Variants in COPS3 observed in about 807,000 individuals in gnomAD.
The protein encoded by COPS3 is COP9 signalosome subunit 3, also known as COP9 signalosome complex subunit 3.
In COPS3, 10 loss-of-function variants were observed where a neutral mutation model predicts 58.2. The ratio of observed to expected loss-of-function variants is 0.17; its 90% CI spans 0.11 to 0.29. COPS3 has a LOEUF of 0.29. Ranked by LOEUF, COPS3 falls within the 10% of genes least tolerant of loss-of-function variation. The pLI is 1.00. For missense variants in COPS3, 333 were observed against 510.1 expected (o/e 0.65, Z 3.34); for synonymous variants, 187 against 181.7 (o/e 1.03, Z -0.24).
intron 1 of COPS3, 133 bp from the exon 2 acceptor site, chr17:17,276,297 G>T: frequency 8.7e-7 from 1 of 1,152,914 alleles, no homozygotes; most frequent in Non-Finnish European, 1.2e-6. Flanking sequence ...CTTCGGATGA[G>T]GATCCAGAAG....
intron 9 of COPS3, among the ~76,000 whole-genome samples, chr17:17,251,497 C>G (rs1325962236): frequency 6.6e-6 from 1 of 151,504 alleles, no homozygotes; most frequent in East Asian, 2.0e-4. Context: ...GGGGTTTCAC[C>G]ATGTTGGCCA....
intron 1 of COPS3, among the ~76,000 whole-genome samples, chr17:17,276,987 T>A (rs891898415): frequency 2.0e-5 from 3 of 152,180 alleles, no homozygotes; most frequent in Non-Finnish European, 4.4e-5. Flanking sequence ...GGCCCTTCAA[T>A]AACTGGTCCC....
At chr17:17,255,142 A>G in intron 8 of COPS3, 197 bp from the exon 9 acceptor site, 1 of 430,262 alleles carries the variant, frequency 2.3e-6, no homozygotes, top group Admixed American at 3.9e-5. Flanking sequence ...TCTACTAAAA[A>G]TACAGAAAAT....
chr17:17,248,794 C>T (rs1290791971), intron 10 of COPS3, 132 bp downstream of exon 10: 1 of 595,324 alleles, frequency 1.7e-6, no homozygotes, highest in Non-Finnish European at 2.9e-6. Flanking sequence ...AACTAACTTT[C>T]TAGTAACTAA....
rs2048064801 is a variant in COPS3, at chr17:17,260,335, G to A, written c.902C>T (p.Ser301Phe). Residue 301 changes from serine (S) to phenylalanine (F), a missense_variant, in exon 8 of 12, where the codon TCT (serine) becomes TTT (phenylalanine). Coordinates refer to ENST00000268717, the MANE Select transcript of COPS3 (RefSeq NM_003653.4). ...NMGLVKQCLS[S>F]LYKKNIQRLT... ...CCTCTGAATATTCTTCTTATAAAGAGATGACAAGCATTGCTTCACCAGCCC... is the reference window on the plus strand; with the variant it reads ...CCTCTGAATATTCTTCTTATAAAGAAATGACAAGCATTGCTTCACCAGCCC... 1.2e-6 allele frequency: 2 copies of A among 1,614,132 alleles called. No individual in the cohort carries two copies. The highest frequency in any genetic ancestry group is 8.5e-7 in the Non-Finnish European group (1 of 1,180,004).
chr17:17,276,063 C>T lies in COPS3; in HGVS notation c.157G>A (p.Glu53Lys). 1 of 1,614,102 alleles carries T rather than the reference C, an allele frequency of 6.2e-7. No homozygotes were observed. The change falls in exon 2 of 12, where the codon GAA becomes AAA. Residue 53 changes from glutamate to lysine, a missense_variant. Glu to Lys is a moderately conservative substitution (Grantham distance 56). Coordinates refer to ENST00000268717, the MANE Select transcript of COPS3 (RefSeq NM_003653.4). ...ACAGCAAGGACGCCCAAGGAGTGTT[C>T]TTGTACATCCAGAGCCCCGAGCACA... Reference protein sequence around the residue: ...DTVLGALDVQEHSLGVLAVLF... With the variant: ...DTVLGALDVQKHSLGVLAVLF...
At chr17:17,267,689 G>C in intron 5 of COPS3, among the ~76,000 whole-genome samples, 196 bp downstream of exon 5, 1 of 150,566 alleles carries the variant, frequency 6.6e-6, no homozygotes. Context: ...TGTTCGACAA[G>C]CTTACTAGTT....
intron 2 of COPS3, 56 bp downstream of exon 2, chr17:17,275,979 A>G: frequency 1.4e-6 from 2 of 1,438,008 alleles, no homozygotes; most frequent in Non-Finnish European, 1.9e-6. Context: ...AAAGCCAGGA[A>G]GTGCACAGTG....
intron 8 of COPS3, among the ~76,000 whole-genome samples, chr17:17,257,806 A>AAAAAG (rs2048011080): frequency 4.1e-5 from 6 of 147,910 alleles, no homozygotes; most frequent in Admixed American, 6.9e-5. Flanking sequence ...CAAAAAAAAA[A>AAAAAG]AAAAAGAAAA....
At chr17:17,257,607 C>T (rs2048004533) in intron 8 of COPS3, among the ~76,000 whole-genome samples, 1 of 151,176 alleles carries the variant, frequency 6.6e-6, no homozygotes, top group South Asian at 2.1e-4. Flanking sequence ...ACCATCCTAG[C>T]TAACACGGTG....
chr17:17,279,404 A>G (rs1040132716), intron 1 of COPS3, among the ~76,000 whole-genome samples: 2 of 152,202 alleles, frequency 1.3e-5, no homozygotes, highest in African/African-American at 2.4e-5. Flanking sequence ...TAACTACACT[A>G]CACCCCAGGA....
At chr17:17,276,258 T>G in intron 1 of COPS3, 94 bp from the exon 2 acceptor site, 1 of 1,509,576 alleles carries the variant, frequency 6.6e-7, no homozygotes, top group Non-Finnish European at 9.1e-7. Context: ...GAGCCTGAAG[T>G]TCCCAAAATT....
intron 1 of COPS3, chr17:17,280,568 T>A (rs1597712340): frequency 1.6e-6 from 2 of 1,267,516 alleles, no homozygotes; most frequent in South Asian, 1.3e-5. Context: ...AGAAATGGAG[T>A]CCTACGAGCG....
rs2047738700 is a variant in COPS3 at position 17,247,033 on chromosome 17, C to T, written c.*65G>A. ...CACAGGCTTGGTCCTCTCTGCTGCC[C>T]TCCGAACACTTGTCACTGGCCAAGA... On this transcript the variant is annotated 3_prime_UTR_variant, in exon 12 of 12. Coordinates refer to ENST00000268717, the MANE Select transcript of COPS3 (RefSeq NM_003653.4). 6.9e-7 allele frequency: 1 copy of T among 1,445,504 alleles called. No homozygotes were observed. Among genetic ancestry groups the T allele is most frequent in the South Asian group, 1.1e-5 (1 of 87,562 alleles). The allele number at this position is 1,445,504 out of a possible 1,614,324, so 89.5% of individuals were successfully genotyped here.
intron 10 of COPS3, 34 bp from the exon 11 acceptor site, chr17:17,247,594 G>T (rs752111654): frequency 1.2e-6 from 2 of 1,605,064 alleles, no homozygotes; most frequent in East Asian, 2.2e-5. Context: ...GTGGTCAGCG[G>T]CGGGTTTAGG....
At chr17:17,252,324 AT>A (rs1170797172) in intron 9 of COPS3, among the ~76,000 whole-genome samples, 1 of 126,768 alleles carries the variant, frequency 7.9e-6, no homozygotes, top group East Asian at 2.5e-4. Context: ...CAGTCCTGAC[AT>A]TTGGGGGCAG....
At chr17:17,278,141 A>G (rs942304688) in intron 1 of COPS3, among the ~76,000 whole-genome samples, 7 of 151,478 alleles carry the variant, frequency 4.6e-5, no homozygotes, top group Non-Finnish European at 1.0e-4. Flanking sequence ...ACAGAGCAAG[A>G]CTCCGTTTCG....
chr17:17,251,946 G>A (rs1156422475), intron 9 of COPS3, among the ~76,000 whole-genome samples: 1 of 152,058 alleles, frequency 6.6e-6, no homozygotes, highest in African/African-American at 2.4e-5. Flanking sequence ...GTGGGCGCCT[G>A]TAGTCCCAGC....
chr17:17,255,386 G>A (rs2047946014), intron 8 of COPS3, among the ~76,000 whole-genome samples: 2 of 150,900 alleles, frequency 1.3e-5, no homozygotes, highest in South Asian at 2.1e-4. Flanking sequence ...GCTGAGACAA[G>A]AGAATCAGAG....
Sources: gnomAD v4.1 joint callset for allele counts (sites outside exome capture counted in the v4.1 genomes callset) on GRCh38, gnomAD v4.1.1 for gene constraint, MANE v1.5 for transcripts, NCBI Gene and HGNC (gene_info 2026-07-23, HGNC 2026-07-21) for gene names.